CNTNAP2: variants seen among roughly 807,000 people sequenced by gnomAD.
CNTNAP2 encodes the protein contactin associated protein 2.
In CNTNAP2, 98 loss-of-function variants were observed where a neutral mutation model predicts 155.2. That is an observed-to-expected ratio of 0.63 (90% CI 0.54 to 0.75). The LOEUF (loss-of-function observed/expected upper bound fraction) is 0.75, where lower values mean the gene tolerates loss of function less well. Ranked by LOEUF, CNTNAP2 falls within the 30% of genes least tolerant of loss-of-function variation. CNTNAP2 has a pLI of 0.00. For synonymous variants in CNTNAP2, 651 were observed against 631.2 expected (o/e 1.03, Z -0.47); for missense variants, 1,727 against 1,688.1 (o/e 1.02, Z -0.40).
chr7:147,144,095 A>G (rs1801652387), intron 8 of CNTNAP2, among the ~76,000 whole-genome samples: 1 of 152,154 alleles, frequency 6.6e-6, no homozygotes, highest in African/African-American at 2.4e-5. Context: ...TCAGTTCTAC[A>G]CGATTAAAAC....
intron 1 of CNTNAP2, among the ~76,000 whole-genome samples, chr7:146,699,895 G>C (rs1800846348): frequency 6.6e-6 from 1 of 152,146 alleles, no homozygotes. Flanking sequence ...TTGAACCTGG[G>C]AAGCGGAGGC....
chr7:146,492,364 T>A (rs1326448718), intron 1 of CNTNAP2, among the ~76,000 whole-genome samples: 1 of 152,186 alleles, frequency 6.6e-6, no homozygotes, highest in Admixed American at 6.5e-5. Flanking sequence ...TTCCTCATGT[T>A]CATCTTGCTC....
intron 1 of CNTNAP2, among the ~76,000 whole-genome samples, chr7:146,185,295 A>T (rs183216585): frequency 1.6e-4 from 24 of 152,326 alleles, no homozygotes; most frequent in African/African-American, 5.8e-4. Flanking sequence ...AATTAGAGCA[A>T]GGAACAGCAA....
intron 2 of CNTNAP2, among the ~76,000 whole-genome samples, chr7:146,833,948 A>G (rs1263287796): frequency 6.6e-6 from 1 of 152,126 alleles, no homozygotes; most frequent in East Asian, 1.9e-4. Flanking sequence ...AATACAGTGT[A>G]TTTGAAGCAG....
chr7:148,270,104 T>A (rs1381988097), intron 21 of CNTNAP2, among the ~76,000 whole-genome samples: 1 of 152,212 alleles, frequency 6.6e-6, no homozygotes, highest in Non-Finnish European at 1.5e-5. Context: ...GTTTTCCAGG[T>A]CATGTAACTA....
intron 21 of CNTNAP2, among the ~76,000 whole-genome samples, chr7:148,373,544 C>T (rs2116644347): frequency 6.6e-6 from 1 of 152,272 alleles, no homozygotes; most frequent in East Asian, 1.9e-4. Flanking sequence ...AAAATTTCAG[C>T]TCCATTATAA....
At chr7:146,543,822 A>T (rs114525531) in intron 1 of CNTNAP2, among the ~76,000 whole-genome samples, 10 of 151,890 alleles carry the variant, frequency 6.6e-5, no homozygotes, top group Non-Finnish European at 1.3e-4. Context: ...GAACTACTTA[A>T]CTAAACTTTC....
intron 1 of CNTNAP2, among the ~76,000 whole-genome samples, chr7:146,270,559 G>A (rs1407247140): frequency 6.6e-6 from 1 of 151,958 alleles, no homozygotes; most frequent in African/African-American, 2.4e-5. Flanking sequence ...TCATACAGAA[G>A]AAAAGAAGAT....
intron 9 of CNTNAP2, among the ~76,000 whole-genome samples, chr7:147,345,131 T>A (rs1181537848): frequency 6.6e-6 from 1 of 152,120 alleles, no homozygotes; most frequent in Admixed American, 6.6e-5. Context: ...AATTTTCCAG[T>A]GGCAGATATA....
intron 11 of CNTNAP2, among the ~76,000 whole-genome samples, chr7:147,505,484 G>A (rs1798890743): frequency 6.6e-6 from 1 of 152,108 alleles, no homozygotes; most frequent in Non-Finnish European, 1.5e-5. Flanking sequence ...ACACTAAAGT[G>A]TGTCTTAAAA....
At chr7:146,900,692 G>A (rs1357440824) in intron 3 of CNTNAP2, among the ~76,000 whole-genome samples, 1 of 152,086 alleles carries the variant, frequency 6.6e-6, no homozygotes, top group Non-Finnish European at 1.5e-5. Flanking sequence ...ACTCCAATGA[G>A]GCAGTACCTC....
At chr7:146,919,425 G>A (rs1030629463) in intron 3 of CNTNAP2, among the ~76,000 whole-genome samples, 1 of 152,130 alleles carries the variant, frequency 6.6e-6, no homozygotes, top group Admixed American at 6.5e-5. Flanking sequence ...GGGGCTTCCT[G>A]AGAGCCAAAC....
chr7:146,269,534 G>A lies in CNTNAP2; in HGVS notation c.97+152561G>A, dbSNP rs898268423. On this transcript the variant is annotated intron_variant, in intron 1 of 23. Coordinates refer to ENST00000361727, the MANE Select transcript of CNTNAP2 (RefSeq NM_014141.6). ...ACTTGAAATTTTATGATTAAGTATT[G>A]CTAGTTTTGGTTTGGAAAAATGATC... Among the ~76,000 whole-genome samples, 6 of 152,146 alleles carry A rather than the reference G, an allele frequency of 3.9e-5. 1 individual carries two copies. The highest frequency in any genetic ancestry group is 3.9e-4 in the Admixed American group (6 of 15,278).
At chr7:147,224,050 AG>A (rs1417814028) in intron 8 of CNTNAP2, among the ~76,000 whole-genome samples, 4 of 151,430 alleles carry the variant, frequency 2.6e-5, no homozygotes, top group African/African-American at 4.8e-5. Context: ...GAGAACTGTC[AG>A]CCAGCGCTTG....
At chr7:146,978,220 T>C (rs1164345645) in intron 3 of CNTNAP2, among the ~76,000 whole-genome samples, 1 of 152,098 alleles carries the variant, frequency 6.6e-6, no homozygotes. Context: ...CTTTGCAAAA[T>C]CAAAACAGAT....
chr7:146,128,949 G>T lies in CNTNAP2; in HGVS notation c.97+11976G>T, dbSNP rs6949141. 4.4e-3 allele frequency among the ~76,000 whole-genome samples: 676 copies of T among 151,944 alleles called. 2 individuals are homozygous for T. Among genetic ancestry groups the T allele is most frequent in the Admixed American group, 7.0e-3 (107 of 15,280 alleles). On this transcript the variant is annotated intron_variant, in intron 1 of 23. Transcript: ENST00000361727. ...AAAATGAAACAGAAATATTTAAAGG[G>T]ACTGTTGTTTAAAAGTAATAGGACA...
intron 15 of CNTNAP2, among the ~76,000 whole-genome samples, chr7:148,098,241 C>T (rs183504353): frequency 3.4e-4 from 52 of 151,560 alleles, no homozygotes; most frequent in East Asian, 2.9e-3. Flanking sequence ...GTCAGGAGAT[C>T]GAGACCATCC....
At chr7:147,616,479 T>C (rs900377792) in intron 12 of CNTNAP2, among the ~76,000 whole-genome samples, 3 of 152,186 alleles carry the variant, frequency 2.0e-5, no homozygotes, top group East Asian at 1.9e-4. Context: ...CATTTCCTAC[T>C]CTTTTCTCTC....
chr7:147,734,506 G>A (rs892351647), intron 13 of CNTNAP2, among the ~76,000 whole-genome samples: 20 of 152,196 alleles, frequency 1.3e-4, no homozygotes, highest in African/African-American at 2.6e-4. Flanking sequence ...GCCAGGCTTC[G>A]GTATCAGGAT....
Sources: gnomAD v4.1 joint callset for allele counts (sites outside exome capture counted in the v4.1 genomes callset) on GRCh38, gnomAD v4.1.1 for gene constraint, MANE v1.5 for transcripts, NCBI Gene and HGNC (gene_info 2026-07-23, HGNC 2026-07-21) for gene names.